The following DACH2 variants were observed in gnomAD, a reference collection of about 807,000 sequenced individuals.
The protein encoded by DACH2 is dachshund family transcription factor 2, also known as dachshund homolog 2.
Under a neutral mutation model 35.8 loss-of-function variants are expected in DACH2, and 17 were observed. The observed-to-expected ratio is 0.48, with a 90% CI of 0.33 to 0.71. The LOEUF (loss-of-function observed/expected upper bound fraction) is 0.71, where lower values mean the gene tolerates loss of function less well. DACH2 is among the 30% of genes least tolerant of loss of function. DACH2 has a pLI of 0.02. For missense variants in DACH2, 469 were observed against 472.7 expected, an observed-to-expected ratio of 0.99 and a Z score of 0.07; for synonymous variants, 195 against 177.3, an observed-to-expected ratio of 1.10 and a Z score of -0.79.
chrX:86,450,171 C>T (rs893492406), intron 2 of DACH2, among the ~76,000 whole-genome samples: 2 of 110,621 alleles, frequency 1.8e-5, no homozygotes, highest in Non-Finnish European at 3.8e-5. Flanking sequence ...CATTCCATCG[C>T]CTAGGTATTA....
chrX:86,406,330 C>T (rs1223086395), intron 2 of DACH2, among the ~76,000 whole-genome samples: 1 of 111,222 alleles, frequency 9.0e-6, no homozygotes. Flanking sequence ...TAAATGGGAG[C>T]TAAATATTCA....
chrX:86,174,647 A>T (rs1159894329), intron 1 of DACH2, among the ~76,000 whole-genome samples: 2 of 110,971 alleles, frequency 1.8e-5, no homozygotes, highest in African/African-American at 6.6e-5. Flanking sequence ...ATAAATTATA[A>T]GCATGTTTGA....
At chrX:86,231,041 T>A (rs778166384) in intron 1 of DACH2, among the ~76,000 whole-genome samples, 6 of 112,335 alleles carry the variant, frequency 5.3e-5, no homozygotes, top group African/African-American at 1.9e-4. Context: ...GTTTGGTTTG[T>A]TCTTGTTTCT....
chrX:86,544,845 C>T (rs778405410), intron 3 of DACH2, among the ~76,000 whole-genome samples: 8 of 112,233 alleles, frequency 7.1e-5, no homozygotes, highest in East Asian at 5.6e-4. Context: ...GTCATACAAG[C>T]GACAATTAGA....
chrX:86,531,519 T>C (rs1047177981), intron 3 of DACH2, among the ~76,000 whole-genome samples: 1 of 111,484 alleles, frequency 9.0e-6, no homozygotes, highest in Non-Finnish European at 1.9e-5. Context: ...CTTCAGAGAG[T>C]GCAAGCCCCA....
At chrX:86,545,418 A>G (rs1256781286) in intron 3 of DACH2, among the ~76,000 whole-genome samples, 1 of 111,397 alleles carries the variant, frequency 9.0e-6, no homozygotes, top group Non-Finnish European at 1.9e-5. Flanking sequence ...GAGGGTGAAG[A>G]TAAAAAAAAC....
At chrX:86,830,710 T>G (rs1442257892) in intron 11 of DACH2, 1 of 111,851 alleles carries the variant, frequency 8.9e-6, no homozygotes, top group Non-Finnish European at 1.9e-5. Flanking sequence ...GTTTGTAATG[T>G]TCACAGTTTG....
At chrX:86,760,638 A>G (rs1207190881) in intron 7 of DACH2, among the ~76,000 whole-genome samples, 12 of 111,454 alleles carry the variant, frequency 1.1e-4, no homozygotes, top group African/African-American at 3.6e-4. Context: ...TTTTTCCAGT[A>G]TTCCCTTGTA....
At chrX:86,612,004 G>A (rs1275559682) in intron 3 of DACH2, among the ~76,000 whole-genome samples, 1 of 107,864 alleles carries the variant, frequency 9.3e-6, no homozygotes, top group Non-Finnish European at 1.9e-5. Context: ...GATGATAGGT[G>A]GATCCTTATA....
At chrX:86,294,618 C>T (rs1374475582) in intron 1 of DACH2, among the ~76,000 whole-genome samples, 6 of 109,387 alleles carry the variant, frequency 5.5e-5, no homozygotes, top group Non-Finnish European at 1.1e-4. Context: ...GATGTCCTTT[C>T]TGTTTGTTAG....
At chrX:86,436,045 A>G (rs1162047201) in intron 2 of DACH2, among the ~76,000 whole-genome samples, 2 of 111,440 alleles carry the variant, frequency 1.8e-5, no homozygotes, top group African/African-American at 6.5e-5. Flanking sequence ...TTTTAGTACA[A>G]ATATCTTCTG....
chrX:86,460,988 G>A (rs2037562578), intron 2 of DACH2, among the ~76,000 whole-genome samples: 1 of 111,204 alleles, frequency 9.0e-6, no homozygotes, highest in Non-Finnish European at 1.9e-5. Context: ...CTCTTTACAA[G>A]TCTAGCTCAA....
At chrX:86,598,867 A>G (rs1478985160) in intron 3 of DACH2, among the ~76,000 whole-genome samples, 2 of 107,361 alleles carry the variant, frequency 1.9e-5, no homozygotes, top group African/African-American at 6.9e-5. Context: ...GGTTTGTTAC[A>G]TATGTATACA....
At chrX:86,200,968 A>G (rs1172601982) in intron 1 of DACH2, among the ~76,000 whole-genome samples, 1 of 111,615 alleles carries the variant, frequency 9.0e-6, no homozygotes, top group Non-Finnish European at 1.9e-5. Flanking sequence ...TCATTCTGTA[A>G]TAAAGACCCA....
chrX:86,610,861 A>C (rs376910152), intron 3 of DACH2, among the ~76,000 whole-genome samples: 29 of 111,399 alleles, frequency 2.6e-4, no homozygotes, highest in East Asian at 2.6e-3. Context: ...CCAAGGGCCA[A>C]GTCCTCAAAT....
At chrX:86,329,136 T>G (rs2035166757) in intron 1 of DACH2, among the ~76,000 whole-genome samples, 1 of 111,227 alleles carries the variant, frequency 9.0e-6, no homozygotes, top group Admixed American at 9.6e-5. Flanking sequence ...CATAAAGGAC[T>G]GCTGGAGAAA....
chrX:86,409,283 T>A (rs995078662), intron 2 of DACH2, among the ~76,000 whole-genome samples: 1 of 111,566 alleles, frequency 9.0e-6, no homozygotes, highest in African/African-American at 3.3e-5. Context: ...TAAGTGACGA[T>A]CCATAAGTAA....
At chrX:86,537,741 A>T (rs1569432630) in intron 3 of DACH2, among the ~76,000 whole-genome samples, 1 of 111,600 alleles carries the variant, frequency 9.0e-6, no homozygotes, top group Non-Finnish European at 1.9e-5. Flanking sequence ...GCATGGATAC[A>T]ATTTGGCCAC....
intron 5 of DACH2, among the ~76,000 whole-genome samples, chrX:86,698,560 C>G (rs1358478567): frequency 2.2e-4 from 8 of 36,035 alleles, no homozygotes; most frequent in South Asian, 1.9e-3. Flanking sequence ...CAGGGTCTCA[C>G]TCTGTCACCC....
Sources: allele counts gnomAD v4.1 joint callset (sites outside exome capture counted in the v4.1 genomes callset), GRCh38; gene constraint gnomAD v4.1.1; transcripts MANE v1.5; gene names NCBI Gene and HGNC (gene_info 2026-07-23, HGNC 2026-07-21).